Variants in ADGRL3 observed in about 807,000 individuals in gnomAD.
ADGRL3 encodes adhesion G protein-coupled receptor L3.
Under a neutral mutation model 153.5 loss-of-function variants are expected in ADGRL3, and 62 were observed. That is an observed-to-expected ratio of 0.40 (90% confidence interval 0.33 to 0.50). The LOEUF (loss-of-function observed/expected upper bound fraction) is 0.50, where lower values mean the gene tolerates loss of function less well. Ranked by LOEUF, ADGRL3 falls within the 20% of genes least tolerant of loss-of-function variation. The pLI is 0.47. For missense variants in ADGRL3, 1,641 were observed against 1,859.4 expected, an observed-to-expected ratio of 0.88 and a Z score of 2.16; for synonymous variants, 710 against 672.5, an observed-to-expected ratio of 1.06 and a Z score of -0.86.
intron 14 of ADGRL3, 82 bp from the exon 15 acceptor site, chr4:61,935,841 A>G (rs1444394839): frequency 1.6e-6 from 2 of 1,244,776 alleles, no homozygotes; most frequent in East Asian, 5.4e-5. Flanking sequence ...TTTTGATTTC[A>G]GAAATACTGC....
rs878956181 is a variant in ADGRL3, at chr4:61,813,900, C to G, written c.1480+11C>G. The G allele has an allele frequency of 6.2e-7, 1 of 1,610,746 alleles. No individual in the cohort carries two copies. ...GACCCTCTGTTAAAGGTGAGTTTTT[C>G]TTTATATGAAGAAAAAGTAACTCTG... On this transcript the variant is annotated intron_variant, in intron 9 of 26. Transcript: ENST00000683033.
intron 8 of ADGRL3, among the ~76,000 whole-genome samples, chr4:61,789,188 G>A (rs1430850581): frequency 6.6e-6 from 1 of 151,992 alleles, no homozygotes; most frequent in Non-Finnish European, 1.5e-5. Flanking sequence ...ATACTGATTA[G>A]AATGAAAAGT....
chr4:61,371,788 A>T (rs866889469), intron 1 of ADGRL3, among the ~76,000 whole-genome samples: 1 of 152,046 alleles, frequency 6.6e-6, no homozygotes, highest in African/African-American at 2.4e-5. Context: ...GCCTTGCTAG[A>T]TTGGGGAAAT....
chr4:61,594,086 G>T (rs972506529), intron 5 of ADGRL3, among the ~76,000 whole-genome samples: 16 of 152,058 alleles, frequency 1.1e-4, no homozygotes, highest in Admixed American at 1.3e-4. Context: ...GCTATTAAGA[G>T]ACTTTGAAGC....
chr4:61,387,779 A>G (rs2151968389), intron 2 of ADGRL3, among the ~76,000 whole-genome samples: 1 of 152,212 alleles, frequency 6.6e-6, no homozygotes. Context: ...TGCAATTATT[A>G]CAGGGTTCTG....
At chr4:61,446,064 G>C (rs75895634) in intron 2 of ADGRL3, among the ~76,000 whole-genome samples, 28,903 of 152,122 alleles carry the variant, frequency 0.19, 2,845 homozygotes, top group Middle Eastern at 0.28. Context: ...CCAGGTATGT[G>C]GTGTCGGCAC....
intron 8 of ADGRL3, among the ~76,000 whole-genome samples, chr4:61,750,182 TAAAAAAAAAAAAAA>T (rs60768535): frequency 1.1e-5 from 1 of 94,614 alleles, no homozygotes; most frequent in Non-Finnish European, 2.2e-5. Flanking sequence ...AGGGGATGGT[TAAAAAAAAAAAAAA>T]AAAAAAAAAA....
At chr4:61,248,942 G>T (rs1202831443) in intron 1 of ADGRL3, among the ~76,000 whole-genome samples, 2 of 152,124 alleles carry the variant, frequency 1.3e-5, no homozygotes, top group African/African-American at 2.4e-5. Context: ...TATTCTACGT[G>T]CACAGCATAA....
rs1405641382 is a variant in ADGRL3, at chr4:61,892,738, G to T, written c.1563G>T (p.Arg521Ser). Residue 521 changes from arginine (R) to serine (S), a missense_variant, in exon 10 of 27, where the codon AGG becomes AGT. Arg to Ser is a moderately radical substitution (Grantham distance 110). Transcript: ENST00000683033. ...TLRTTTLSPG[R>S]STTPSVSGRR... is the part of the protein sequence containing the mutation. ...GGACCACAACTTTGAGCCCAGGAAG[G>T]AGTACCACCCCGTCAGTGTCAGGAA... 1.9e-6 allele frequency: 3 copies of T among 1,613,864 alleles called. No individual in the cohort carries two copies. Among genetic ancestry groups the T allele is most frequent in the Non-Finnish European group, 2.5e-6 (3 of 1,179,844 alleles).
chr4:61,368,523 A>G (rs1238119334), intron 1 of ADGRL3, among the ~76,000 whole-genome samples: 1 of 152,038 alleles, frequency 6.6e-6, no homozygotes, highest in Admixed American at 6.6e-5. Flanking sequence ...AGGTTTGTCA[A>G]AGATCAGATA....
chr4:61,221,484 T>C (rs1314609382), intron 1 of ADGRL3, among the ~76,000 whole-genome samples: 1 of 152,156 alleles, frequency 6.6e-6, no homozygotes, highest in Non-Finnish European at 1.5e-5. Flanking sequence ...AAAAGAGACA[T>C]ACAATTTTAA....
intron 1 of ADGRL3, among the ~76,000 whole-genome samples, chr4:61,341,469 T>A (rs1431093846): frequency 6.6e-6 from 1 of 151,524 alleles, no homozygotes; most frequent in Non-Finnish European, 1.5e-5. Flanking sequence ...TATATTTTTC[T>A]AGACTTTTCC....
At chr4:61,732,664 G>A in intron 7 of ADGRL3, 90 bp from the exon 8 acceptor site, 2 of 607,934 alleles carry the variant, frequency 3.3e-6, no homozygotes, top group African/African-American at 1.9e-5. Context: ...TCTCTTGTTA[G>A]AGTTGCATTC....
chr4:61,289,645 T>C (rs368303355), intron 1 of ADGRL3, among the ~76,000 whole-genome samples: 2 of 152,012 alleles, frequency 1.3e-5, no homozygotes, highest in East Asian at 1.9e-4. Context: ...TTTCCAAGCT[T>C]TTAACTAGGC....
chr4:61,330,377 G>A (rs1175542866), intron 1 of ADGRL3, among the ~76,000 whole-genome samples: 1 of 152,112 alleles, frequency 6.6e-6, no homozygotes, highest in Non-Finnish European at 1.5e-5. Context: ...AAAGGTAGAG[G>A]AAGGGTAAAT....
At chr4:61,829,770 A>G (rs2097849346) in intron 9 of ADGRL3, among the ~76,000 whole-genome samples, 1 of 152,200 alleles carries the variant, frequency 6.6e-6, no homozygotes, top group Non-Finnish European at 1.5e-5. Context: ...CTATCAAAGC[A>G]ATAGGTACAA....
At chr4:61,654,096 T>A (rs1014207981) in intron 5 of ADGRL3, among the ~76,000 whole-genome samples, 3 of 152,204 alleles carry the variant, frequency 2.0e-5, no homozygotes, top group Admixed American at 2.0e-4. Flanking sequence ...ATGGGAAAAG[T>A]ATTCTGCAGG....
chr4:61,910,096 A>G (rs2098715378), intron 12 of ADGRL3, among the ~76,000 whole-genome samples: 1 of 152,082 alleles, frequency 6.6e-6, no homozygotes, highest in South Asian at 2.1e-4. Context: ...ATAATTGACA[A>G]TAAAACAAAT....
chr4:61,395,800 T>C (rs1375787843), intron 2 of ADGRL3, among the ~76,000 whole-genome samples: 1 of 151,936 alleles, frequency 6.6e-6, no homozygotes, highest in Non-Finnish European at 1.5e-5. Flanking sequence ...GGCATGGACT[T>C]CAATAAAATA....
Sources: allele counts gnomAD v4.1 joint callset (sites outside exome capture counted in the v4.1 genomes callset), GRCh38; gene constraint gnomAD v4.1.1; transcripts MANE v1.5; gene names NCBI Gene and HGNC (gene_info 2026-07-23, HGNC 2026-07-21).